Variants in KIAA1217 observed in about 807,000 individuals in gnomAD.
KIAA1217 encodes the protein sickle tail protein homolog.
Under a neutral mutation model 163.9 loss-of-function variants are expected in KIAA1217, and 88 were observed. That is an observed-to-expected ratio of 0.54 (90% CI 0.45 to 0.64). The LOEUF (loss-of-function observed/expected upper bound fraction) is 0.64. KIAA1217 is among the 30% of genes least tolerant of loss of function. The pLI, the probability that KIAA1217 is intolerant of heterozygous loss-of-function variation, is 0.00. For synonymous variants in KIAA1217, 903 were observed against 923.1 expected (o/e 0.98, Z 0.39); for missense variants, 2,372 against 2,475.0 (o/e 0.96, Z 0.88).
At chr10:24,098,321 G>A (rs2062244658) in intron 2 of KIAA1217, among the ~76,000 whole-genome samples, 2 of 152,098 alleles carry the variant, frequency 1.3e-5, no homozygotes, top group Admixed American at 1.3e-4. Context: ...CCTACACTTA[G>A]AGGAAAAATA....
At chr10:24,519,792 C>A (rs2070798074) in intron 10 of KIAA1217, among the ~76,000 whole-genome samples, 2 of 152,274 alleles carry the variant, frequency 1.3e-5, no homozygotes, top group Admixed American at 1.3e-4. Flanking sequence ...CTACCCCACC[C>A]TCCCACCTAT....
Position 24,524,492 on chromosome 10 carries a change from G to C in KIAA1217, c.2626G>C (p.Val876Leu), listed in dbSNP as rs749708682. The C allele has an allele frequency of 1.2e-6, 2 of 1,614,196 alleles. No homozygotes were observed. Among genetic ancestry groups the C allele is most frequent in the Non-Finnish European group, 1.7e-6 (2 of 1,180,048 alleles). ...TGCCCCTGGCGATGCGAAGTCGGAA[G>C]TGGTGCCTTTGTCCGGCATGATGGT... Reference protein sequence around the residue: ...TGAPGDAKSEVVPLSGMMVRH... With the variant: ...TGAPGDAKSELVPLSGMMVRH... Residue 876 changes from valine to leucine, a missense_variant, in exon 13 of 21, where the codon GTG (valine) becomes CTG (leucine). Val to Leu is a conservative substitution (Grantham distance 32). Around this residue, in one of 3 missense-constraint regions of KIAA1217, gnomAD observed 1,431 missense variants for 1,470.3 expected, o/e 0.97. Coordinates refer to ENST00000376454, the MANE Select transcript of KIAA1217 (RefSeq NM_019590.5).
At chr10:23,931,053 T>A (rs1386255134) in intron 1 of KIAA1217, among the ~76,000 whole-genome samples, 1 of 152,172 alleles carries the variant, frequency 6.6e-6, no homozygotes, top group Non-Finnish European at 1.5e-5. Context: ...TAAATACTTT[T>A]CTATAATTTT....
At chr10:23,934,189 G>A (rs7087561) in intron 1 of KIAA1217, among the ~76,000 whole-genome samples, 32,609 of 151,972 alleles carry the variant, frequency 0.21, 7,940 homozygotes, top group African/African-American at 0.6. Context: ...CATGTACACC[G>A]TGGAATACTA....
chr10:24,413,251 TCTC>T (rs1212047609), intron 3 of KIAA1217, among the ~76,000 whole-genome samples: 2 of 152,148 alleles, frequency 1.3e-5, no homozygotes, highest in Non-Finnish European at 2.9e-5. Flanking sequence ...AGTGGCATGA[TCTC>T]AGCTCACTGC....
chr10:24,089,242 A>T (rs1304956336), intron 2 of KIAA1217, among the ~76,000 whole-genome samples: 2 of 124,562 alleles, frequency 1.6e-5, no homozygotes, highest in East Asian at 2.0e-4. Flanking sequence ...CCATTCTGTA[A>T]GTTGCCTATT....
intron 1 of KIAA1217, among the ~76,000 whole-genome samples, chr10:23,952,801 C>G (rs1351042723): frequency 6.6e-6 from 1 of 152,164 alleles, no homozygotes; most frequent in Admixed American, 6.5e-5. Flanking sequence ...ATTGCTATTA[C>G]TACCCATGGA....
intron 1 of KIAA1217, among the ~76,000 whole-genome samples, chr10:23,754,574 G>A (rs980358686): frequency 6.6e-6 from 1 of 152,182 alleles, no homozygotes; most frequent in African/African-American, 2.4e-5. Context: ...GCTCCATTCA[G>A]GTGCAGGGCA....
At chr10:24,511,030 G>A (rs2069052001) in intron 9 of KIAA1217, among the ~76,000 whole-genome samples, 1 of 151,842 alleles carries the variant, frequency 6.6e-6, no homozygotes, top group Non-Finnish European at 1.5e-5. Context: ...GGAGGGAAGA[G>A]CATTCTGGGA....
chr10:23,963,514 A>T (rs767930313), intron 1 of KIAA1217, among the ~76,000 whole-genome samples: 4 of 152,170 alleles, frequency 2.6e-5, no homozygotes, highest in African/African-American at 7.2e-5. Flanking sequence ...CCAGTCTATC[A>T]TTAATGGACA....
At chr10:24,052,316 C>A (rs776202776) in intron 2 of KIAA1217, among the ~76,000 whole-genome samples, 9 of 152,064 alleles carry the variant, frequency 5.9e-5, no homozygotes, top group Non-Finnish European at 1.2e-4. Flanking sequence ...AGAAACTTTC[C>A]TTATCTCAAT....
At chr10:23,944,704 C>T (rs140209787) in intron 1 of KIAA1217, among the ~76,000 whole-genome samples, 1 of 152,204 alleles carries the variant, frequency 6.6e-6, no homozygotes, top group East Asian at 1.9e-4. Flanking sequence ...TATTAAGAAA[C>T]TGGAACCGTC....
intron 2 of KIAA1217, among the ~76,000 whole-genome samples, chr10:24,166,703 A>G (rs2065362946): frequency 6.6e-6 from 1 of 152,204 alleles, no homozygotes; most frequent in Non-Finnish European, 1.5e-5. Context: ...ATGCCACTTC[A>G]CTTCCAGCCT....
At chr10:24,505,163 T>C (rs1194664798) in intron 9 of KIAA1217, among the ~76,000 whole-genome samples, 3 of 151,500 alleles carry the variant, frequency 2.0e-5, no homozygotes, top group Non-Finnish European at 4.4e-5. Context: ...TGAAGACACC[T>C]CCTGGAAATG....
intron 1 of KIAA1217, among the ~76,000 whole-genome samples, chr10:23,785,089 A>G (rs1017620677): frequency 2.0e-5 from 3 of 152,138 alleles, no homozygotes; most frequent in Non-Finnish European, 2.9e-5. Flanking sequence ...TCTTTAAAAT[A>G]GAGTAACAAC....
chr10:24,454,799 C>G (rs533943698), intron 5 of KIAA1217, among the ~76,000 whole-genome samples: 20 of 151,962 alleles, frequency 1.3e-4, no homozygotes, highest in Admixed American at 1.3e-3. Flanking sequence ...AAGTGGAAAC[C>G]GTTTTTGCTT....
At chr10:23,867,984 G>A (rs573423295) in intron 1 of KIAA1217, among the ~76,000 whole-genome samples, 1 of 152,034 alleles carries the variant, frequency 6.6e-6, no homozygotes, top group South Asian at 2.1e-4. Context: ...TATGGTTTTA[G>A]GTCTAATGTT....
intron 7 of KIAA1217, 188 bp from the exon 8 acceptor site, chr10:24,494,959 C>T: frequency 1.7e-6 from 1 of 596,486 alleles, no homozygotes; most frequent in Non-Finnish European, 2.9e-6. Context: ...GCATTCCACC[C>T]CCAGTGTCAG....
At chr10:24,072,997 G>T (rs1410045847) in intron 2 of KIAA1217, among the ~76,000 whole-genome samples, 1 of 151,308 alleles carries the variant, frequency 6.6e-6, no homozygotes, top group African/African-American at 2.4e-5. Context: ...TGTCAAGGCT[G>T]TAGTGAGCCC....
Sources: gnomAD v4.1 joint callset for allele counts (sites outside exome capture counted in the v4.1 genomes callset) on GRCh38, gnomAD v4.1.1 for gene constraint, gnomAD v4.1.1 regional missense constraint, MANE v1.5 for transcripts, NCBI Gene and HGNC (gene_info 2026-07-23, HGNC 2026-07-21) for gene names.